Variants in CNBD1 observed in about 807,000 individuals in gnomAD.
The protein encoded by CNBD1 is cyclic nucleotide binding domain containing 1.
In CNBD1, 71 loss-of-function variants were observed where a neutral mutation model predicts 54.4. That is an observed-to-expected ratio of 1.30 (90% CI 1.08 to 1.59). The LOEUF is 1.59. Ranked by LOEUF, CNBD1 falls within the 40% of genes most tolerant of loss-of-function variation. The probability of loss-of-function intolerance (pLI) is 0.00; values close to 1 mark genes in which losing one functional copy is unlikely to be tolerated. For synonymous variants in CNBD1, 182 were observed against 170.7 expected (o/e 1.07, Z -0.51); for missense variants, 659 against 518.0 (o/e 1.27, Z -2.64).
intron 4 of CNBD1, among the ~76,000 whole-genome samples, chr8:87,049,957 T>C (rs2130622170): frequency 6.6e-6 from 1 of 152,340 alleles, no homozygotes; most frequent in African/African-American, 2.4e-5. Flanking sequence ...ACCTTGGGCC[T>C]GAGTTAAAAC....
intron 4 of CNBD1, among the ~76,000 whole-genome samples, chr8:87,154,627 A>T (rs192590355): frequency 1.0e-3 from 155 of 152,306 alleles, no homozygotes; most frequent in African/African-American, 3.7e-3. Context: ...AGTGCTGTTT[A>T]ACTTTATTTC....
intron 4 of CNBD1, among the ~76,000 whole-genome samples, chr8:87,159,240 A>G (rs1812807320): frequency 6.6e-6 from 1 of 152,154 alleles, no homozygotes; most frequent in Non-Finnish European, 1.5e-5. Context: ...CCTTCAGGCT[A>G]TATAAACACC....
At chr8:86,926,550 A>G (rs1809364424) in intron 3 of CNBD1, among the ~76,000 whole-genome samples, 1 of 152,238 alleles carries the variant, frequency 6.6e-6, no homozygotes, top group African/African-American at 2.4e-5. Context: ...ACCCAACTCC[A>G]GAGGTTGGTG....
At chr8:87,017,252 C>A (rs147666867) in intron 4 of CNBD1, among the ~76,000 whole-genome samples, 2 of 152,196 alleles carry the variant, frequency 1.3e-5, no homozygotes, top group African/African-American at 4.8e-5. Context: ...ACCACTTTTA[C>A]TTAAATGCCT....
At chr8:87,336,305 C>T (rs1442002117) in intron 8 of CNBD1, among the ~76,000 whole-genome samples, 1 of 152,106 alleles carries the variant, frequency 6.6e-6, no homozygotes. Flanking sequence ...CAACTTGGTT[C>T]CATTCTCCCT....
intron 4 of CNBD1, among the ~76,000 whole-genome samples, chr8:87,109,758 T>G (rs1440525899): frequency 3.3e-5 from 5 of 151,900 alleles, no homozygotes; most frequent in Non-Finnish European, 7.4e-5. Flanking sequence ...CAGGATGGTC[T>G]TGATCTCCTG....
chr8:86,992,683 C>G (rs1808780193), intron 4 of CNBD1, among the ~76,000 whole-genome samples: 1 of 152,036 alleles, frequency 6.6e-6, no homozygotes, highest in Non-Finnish European at 1.5e-5. Context: ...TTCTCTTAGA[C>G]TCTACTTGTC....
At chr8:86,896,136 A>C (rs1274521448) in intron 2 of CNBD1, among the ~76,000 whole-genome samples, 3 of 152,144 alleles carry the variant, frequency 2.0e-5, no homozygotes, top group Non-Finnish European at 4.4e-5. Flanking sequence ...TCATAAGGAA[A>C]CATAAAGGAC....
At chr8:87,129,145 A>G (rs1227024810) in intron 4 of CNBD1, among the ~76,000 whole-genome samples, 1 of 144,196 alleles carries the variant, frequency 6.9e-6, no homozygotes, top group African/African-American at 2.5e-5. Context: ...TTTTGGTAAT[A>G]TCTTTGTGGA....
At chr8:87,112,758 G>T (rs55820444) in intron 4 of CNBD1, among the ~76,000 whole-genome samples, 1 of 151,334 alleles carries the variant, frequency 6.6e-6, no homozygotes, top group African/African-American at 2.4e-5. Context: ...ATGACACTTT[G>T]TCCAGTGGTG....
At chr8:87,408,777 ATTATTACATC>A (rs1586084412) in intron 2 of CNBD1, among the ~76,000 whole-genome samples, 1 of 152,096 alleles carries the variant, frequency 6.6e-6, no homozygotes, top group Non-Finnish European at 1.5e-5. Context: ...ACTTCTCATT[ATTATTACATC>A]TTTTATCGTG....
rs150453723 is a variant in CNBD1, at chr8:87,397,114, G to C, written c.214-31432G>C. On this transcript the variant is annotated intron_variant, in intron 2 of 7. Coordinates refer to the CNBD1 transcript ENST00000521593. ...GACTGTTGCTCATTTTACAGTACCA[G>C]CTTTGTATTTGTTAGAGCCACTCTT... Among the ~76,000 whole-genome samples the C allele has an allele frequency of 3.0e-3, 459 of 151,564 alleles. 5 individuals carry two copies. Among genetic ancestry groups the C allele is most frequent in the African/African-American group, 1.0e-2 (412 of 41,398 alleles).
At chr8:87,302,112 G>C (rs111376422) in intron 8 of CNBD1, among the ~76,000 whole-genome samples, 57,295 of 151,796 alleles carry the variant, frequency 0.38, 11,057 homozygotes, top group Middle Eastern at 0.45. Context: ...AATAGAAAAA[G>C]AGGGAATCCT....
intron 4 of CNBD1, among the ~76,000 whole-genome samples, chr8:87,001,525 A>G (rs1808992608): frequency 6.6e-6 from 1 of 152,152 alleles, no homozygotes; most frequent in African/African-American, 2.4e-5. Context: ...TGGTCTTTTT[A>G]CGCTGTATTT....
At chr8:87,399,458 A>T (rs938186541) in intron 2 of CNBD1, among the ~76,000 whole-genome samples, 10 of 152,180 alleles carry the variant, frequency 6.6e-5, no homozygotes, top group African/African-American at 2.4e-4. Context: ...TGTCTGAAAT[A>T]AATCAATACA....
chr8:87,189,570 T>G (rs1259817885), intron 4 of CNBD1, among the ~76,000 whole-genome samples: 2 of 152,058 alleles, frequency 1.3e-5, no homozygotes, highest in African/African-American at 2.4e-5. Context: ...GTAAAAAAAT[T>G]AGTAATCTAT....
At chr8:87,021,676 C>A (rs1809491071) in intron 4 of CNBD1, among the ~76,000 whole-genome samples, 1 of 152,124 alleles carries the variant, frequency 6.6e-6, no homozygotes, top group Admixed American at 6.5e-5. Context: ...AGGGTAGAGG[C>A]CAGATGCTGT....
chr8:86,939,803 A>G, intron 4 of CNBD1, 49 bp downstream of exon 4: 1 of 1,188,080 alleles, frequency 8.4e-7, no homozygotes, highest in Non-Finnish European at 1.2e-6. Context: ...ATTCTTTTGA[A>G]TGGCTTTATT....
chr8:87,275,775 G>A (rs1331434747), intron 6 of CNBD1, among the ~76,000 whole-genome samples: 1 of 151,594 alleles, frequency 6.6e-6, no homozygotes, highest in African/African-American at 2.4e-5. Context: ...AAAAGAGGAA[G>A]TCAAATTGTC....
Sources: allele counts gnomAD v4.1 joint callset (sites outside exome capture counted in the v4.1 genomes callset), GRCh38; gene constraint gnomAD v4.1.1; transcripts MANE v1.5; gene names NCBI Gene and HGNC (gene_info 2026-07-23, HGNC 2026-07-21).